ZDHHC6: variants seen among roughly 807,000 people sequenced by gnomAD.
The protein encoded by ZDHHC6 is zDHHC palmitoyltransferase 6.
ZDHHC6 carries 32 observed loss-of-function variants against 57.8 expected under a neutral mutation model. That is an observed-to-expected ratio of 0.55 (90% confidence interval 0.42 to 0.74). ZDHHC6 has a LOEUF of 0.74. Among genes scored for constraint, ZDHHC6 ranks in the 30% least tolerant of loss-of-function variants. The pLI is 0.00. For synonymous variants in ZDHHC6, 128 were observed against 158.0 expected (o/e 0.81, Z 1.42); for missense variants, 433 against 500.7 (o/e 0.86, Z 1.29).
intron 4 of ZDHHC6, among the ~76,000 whole-genome samples, chr10:112,440,942 T>G (rs1484467686): frequency 6.6e-6 from 1 of 152,168 alleles, no homozygotes; most frequent in East Asian, 1.9e-4. Flanking sequence ...ACCTCCCAGG[T>G]TCAAGCAATT....
Position 112,440,687 on chromosome 10 carries a change from A to G in ZDHHC6, c.528T>C (p.Phe176=), listed in dbSNP as rs1846021937. The G allele has an allele frequency of 6.2e-7, 1 of 1,611,738 alleles. No individual in the cohort carries two copies. The highest frequency in any genetic ancestry group is 1.3e-5 in the African/African-American group (1 of 74,898). ...MYTQLYHRLS[F]GWNTVKIDMS... The stretch of plus-strand genomic sequence containing the variant: ...TGTCGATCTTCACTGTGTTCCACCC[A>G]AAGGAGAGCTATCGCAGCAACAATA... Residue 176 remains phenylalanine (F), a synonymous_variant, in exon 5 of 11, where the codon TTT becomes TTC. Coordinates refer to ENST00000369405, the MANE Select transcript of ZDHHC6 (RefSeq NM_022494.3).
chr10:112,426,922 C>A (rs993003838), downstream of ZDHHC6: 5 of 1,326,494 alleles, frequency 3.8e-6, no homozygotes, highest in Non-Finnish European at 5.4e-6. Context: ...AAGTTTCCAT[C>A]TAATGAGGTT....
chr10:112,445,070 C>T, intron 2 of ZDHHC6, 100 bp downstream of exon 2: 2 of 1,368,822 alleles, frequency 1.5e-6, no homozygotes, highest in Non-Finnish European at 2.0e-6. Flanking sequence ...TCTGTGAGGA[C>T]AAACAGTAGG....
chr10:112,442,193 C>A lies in ZDHHC6; in HGVS notation c.518G>T (p.Arg173Leu). 6.2e-7 allele frequency: 1 copy of A among 1,600,020 alleles called. No individual in the cohort carries two copies. ...CAAAACATTTTCATTTTCACTTACC[C>A]GATGATAAAGCTGTGTGTACATAGT... ...VMTMYTQLYH[R>L]LSFGWNTVKI... The change falls in exon 4 of 11, where the codon CGG becomes CTG. Residue 173 changes from arginine to leucine, a missense_variant and splice_region_variant. Coordinates refer to ENST00000369405, the MANE Select transcript of ZDHHC6 (RefSeq NM_022494.3).
chr10:112,443,218 AT>A (rs1846305772), intron 3 of ZDHHC6, among the ~76,000 whole-genome samples: 1 of 152,248 alleles, frequency 6.6e-6, no homozygotes, highest in Admixed American at 6.5e-5. Context: ...ATCTTGATAT[AT>A]GGAAACAAAC....
chr10:112,426,431 C>A, downstream of ZDHHC6: 1 of 1,300,244 alleles, frequency 7.7e-7, no homozygotes. Flanking sequence ...CTCACCAGTT[C>A]CTGCATCTGT....
At chr10:112,433,339 C>A (rs935748942) in intron 7 of ZDHHC6, 58 bp from the exon 8 acceptor site, 1 of 1,389,884 alleles carries the variant, frequency 7.2e-7, no homozygotes, top group Non-Finnish European at 9.6e-7. Context: ...GTTGAAAAAT[C>A]GCCTTTCCTC....
chr10:112,427,265 G>A, downstream of ZDHHC6: 7 of 1,613,450 alleles, frequency 4.3e-6, no homozygotes, highest in Non-Finnish European at 5.9e-6. Flanking sequence ...TTGAAAATGG[G>A]CTCTTGACAC....
intron 5 of ZDHHC6, among the ~76,000 whole-genome samples, chr10:112,438,783 A>G (rs1845793882): frequency 6.6e-6 from 1 of 152,226 alleles, no homozygotes; most frequent in East Asian, 1.9e-4. Flanking sequence ...ATTTACGATT[A>G]ATCTATTTAT....
chr10:112,442,079 C>A, intron 4 of ZDHHC6, 113 bp downstream of exon 4: 1 of 1,260,328 alleles, frequency 7.9e-7, no homozygotes, highest in Non-Finnish European at 1.1e-6. Context: ...AGTTCTATTT[C>A]CCCAACTAAA....
intron 6 of ZDHHC6, 24 bp from the exon 7 acceptor site, chr10:112,434,488 T>C: frequency 2.5e-6 from 4 of 1,600,280 alleles, no homozygotes; most frequent in South Asian, 2.2e-5. Flanking sequence ...AGATATAAGA[T>C]GGCAGGTGCC....
At chr10:112,435,835 A>G (rs1845474118) in intron 6 of ZDHHC6, among the ~76,000 whole-genome samples, 1 of 152,254 alleles carries the variant, frequency 6.6e-6, no homozygotes, top group South Asian at 2.1e-4. Context: ...TGACTAAGAC[A>G]TGTCTTTGCC....
rs1265917689 is a variant in ZDHHC6, at chr10:112,430,744, A to G, written c.*60T>C. ...TAGGCTCATTGCATAATTCTTTAGT[A>G]ATATGTACAATTTTCAAGTAATTAA... On this transcript the variant is annotated 3_prime_UTR_variant, in exon 11 of 11. Coordinates refer to ENST00000369405, the MANE Select transcript of ZDHHC6 (RefSeq NM_022494.3). The G allele has an allele frequency of 1.4e-6, 2 of 1,450,792 alleles. No homozygotes were observed. Among genetic ancestry groups the G allele is most frequent in the Non-Finnish European group, 1.9e-6 (2 of 1,045,572 alleles). The allele number at this position is 1,450,792 out of a possible 1,614,324, so 89.9% of individuals were successfully genotyped here.
chr10:112,431,087 A>G (rs1182816476), intron 10 of ZDHHC6, among the ~76,000 whole-genome samples, 180 bp from the exon 11 acceptor site: 2 of 152,204 alleles, frequency 1.3e-5, no homozygotes, highest in African/African-American at 4.8e-5. Context: ...AATGTTCATA[A>G]CAAGCTAGGA....
chr10:112,425,623 T>A, downstream of ZDHHC6: 1 of 766,918 alleles, frequency 1.3e-6, no homozygotes, highest in South Asian at 3.5e-5. Flanking sequence ...TGAAGTTACA[T>A]TCCAAACCTC....
downstream of ZDHHC6, among the ~76,000 whole-genome samples, chr10:112,429,135 A>G (rs1470242424): frequency 6.6e-6 from 1 of 152,220 alleles, no homozygotes; most frequent in Non-Finnish European, 1.5e-5. Flanking sequence ...CTAGATTTTG[A>G]GCCCAGAAAA....
chr10:112,442,439 A>C, intron 3 of ZDHHC6, 88 bp from the exon 4 acceptor site: 1 of 1,298,982 alleles, frequency 7.7e-7, no homozygotes, highest in Non-Finnish European at 1.0e-6. Context: ...AGCAAATAGG[A>C]ATCCAGCATG....
chr10:112,446,804 T>A lies in ZDHHC6; in HGVS notation c.-314A>T. The A allele has an allele frequency of 5.7e-6, 1 of 174,416 alleles. No homozygotes were observed. The highest frequency in any genetic ancestry group is 6.2e-5 in the Admixed American group (1 of 16,234). 10.8% of individuals were successfully genotyped at this position (174,416 alleles called of 1,614,324 possible). A position where few individuals can be genotyped will look rare whatever the true frequency, so the allele number is the denominator to read the frequency against. On this transcript the variant is annotated 5_prime_UTR_variant, in exon 1 of 11. It removes an upstream start codon present in the reference 5' UTR. Coordinates refer to ENST00000369405, the MANE Select transcript of ZDHHC6 (RefSeq NM_022494.3). ...TTTTCCTCCTTGGATGACTCCGTCA[T>A]GGACACCTCAGCCCAGGACAAGCAG...
chr10:112,439,671 A>G (rs1271414595), intron 5 of ZDHHC6, among the ~76,000 whole-genome samples: 13 of 117,486 alleles, frequency 1.1e-4, no homozygotes, highest in African/African-American at 3.8e-4. Context: ...AAAAAAAAAG[A>G]ATGAAAAAGA....
Sources: gnomAD v4.1 joint callset for allele counts (sites outside exome capture counted in the v4.1 genomes callset) on GRCh38, gnomAD v4.1.1 for gene constraint, MANE v1.5 for transcripts, NCBI Gene and HGNC (gene_info 2026-07-23, HGNC 2026-07-21) for gene names.